LRRC4C: variants seen among roughly 807,000 people sequenced by gnomAD.
LRRC4C encodes leucine-rich repeat-containing protein 4C.
A neutral mutation model predicts 33.6 loss-of-function variants in LRRC4C; 5 were observed. That is an observed-to-expected ratio of 0.15 (90% CI 0.08 to 0.31). The LOEUF is 0.31. Among genes scored for constraint, LRRC4C ranks in the 10% least tolerant of loss-of-function variants. The pLI is 1.00. For synonymous variants in LRRC4C, 329 were observed against 302.0 expected (o/e 1.09, Z -0.93); for missense variants, 560 against 796.7 (o/e 0.70, Z 3.58).
At chr11:41,164,436 A>T (rs1944628582) in intron 1 of LRRC4C, among the ~76,000 whole-genome samples, 2 of 151,994 alleles carry the variant, frequency 1.3e-5, no homozygotes, top group South Asian at 4.1e-4. Context: ...TTTTTTTTAC[A>T]TAAGTAAAAG....
chr11:41,299,328 A>G (rs541030223), intron 1 of LRRC4C, among the ~76,000 whole-genome samples: 2 of 152,268 alleles, frequency 1.3e-5, no homozygotes, highest in African/African-American at 4.8e-5. Context: ...TATAATTGTA[A>G]ACAACTTTAG....
At chr11:40,178,755 T>G (rs1208117186) in intron 5 of LRRC4C, among the ~76,000 whole-genome samples, 1 of 152,114 alleles carries the variant, frequency 6.6e-6, no homozygotes. Context: ...ATTCCTCTGG[T>G]TTCCTCGCTG....
intron 3 of LRRC4C, among the ~76,000 whole-genome samples, chr11:40,631,478 G>A (rs1963473297): frequency 6.6e-6 from 1 of 152,126 alleles, no homozygotes; most frequent in South Asian, 2.1e-4. Flanking sequence ...ACAGACATAT[G>A]GCTGCAAAAT....
chr11:41,331,823 A>C lies in LRRC4C; in HGVS notation c.-496+127608T>G, dbSNP rs561522664. Reference sequence around the variant, plus strand: ...AGATCTACAACACAAAAAAGAAGGGACATCTTTGCTAACACACTTAAATGT... The same window carrying C: ...AGATCTACAACACAAAAAAGAAGGGCCATCTTTGCTAACACACTTAAATGT... On this transcript the variant is annotated intron_variant, in intron 1 of 6. Coordinates refer to ENST00000528697, the MANE Select transcript of LRRC4C (RefSeq NM_001258419.2). Among the ~76,000 whole-genome samples, 77 of 152,242 alleles carry C rather than the reference A, an allele frequency of 5.1e-4. 1 individual carries two copies. Among genetic ancestry groups the C allele is most frequent in the South Asian group, 1.0e-3 (5 of 4,826 alleles).
chr11:40,346,133 C>T (rs1285765095), intron 3 of LRRC4C, among the ~76,000 whole-genome samples: 5 of 152,128 alleles, frequency 3.3e-5, no homozygotes, highest in African/African-American at 7.2e-5. Flanking sequence ...TTGCAGAAGA[C>T]GGTGTGGTGA....
intron 1 of LRRC4C, among the ~76,000 whole-genome samples, chr11:41,446,180 A>G (rs12796746): frequency 0.11 from 16,001 of 152,244 alleles, 1,145 homozygotes; most frequent in Non-Finnish European, 0.15. Flanking sequence ...CTTTTTCAAG[A>G]AAACACAGTA....
intron 2 of LRRC4C, among the ~76,000 whole-genome samples, chr11:40,692,392 C>A (rs1423239169): frequency 6.6e-6 from 1 of 152,040 alleles, no homozygotes; most frequent in African/African-American, 2.4e-5. Context: ...CATAGAGAGG[C>A]ATTTTCTAGA....
intron 5 of LRRC4C, among the ~76,000 whole-genome samples, chr11:40,177,233 A>G (rs922473436): frequency 2.6e-5 from 4 of 151,932 alleles, no homozygotes; most frequent in South Asian, 2.1e-4. Context: ...GATTACAGGC[A>G]TGAGCCACCG....
chr11:40,526,995 T>G (rs2135276327), intron 3 of LRRC4C, among the ~76,000 whole-genome samples: 1 of 152,286 alleles, frequency 6.6e-6, no homozygotes, highest in African/African-American at 2.4e-5. Context: ...AATAGAATTT[T>G]TAACAAAAGA....
At chr11:40,458,843 G>T (rs1440026443) in intron 3 of LRRC4C, among the ~76,000 whole-genome samples, 1 of 152,120 alleles carries the variant, frequency 6.6e-6, no homozygotes, top group Non-Finnish European at 1.5e-5. Flanking sequence ...TAAACTCAGA[G>T]AGAATGTTTT....
At chr11:41,433,379 G>T (rs1367445873) in intron 1 of LRRC4C, among the ~76,000 whole-genome samples, 2 of 152,082 alleles carry the variant, frequency 1.3e-5, no homozygotes, top group African/African-American at 4.8e-5. Context: ...CCTGAAAGAA[G>T]AAATCTAACA....
chr11:40,869,840 C>T (rs910809479), intron 2 of LRRC4C, among the ~76,000 whole-genome samples: 9 of 152,124 alleles, frequency 5.9e-5, no homozygotes, highest in Non-Finnish European at 1.0e-4. Context: ...GTATACTTTC[C>T]TTTGTGTTAT....
chr11:41,129,954 G>T (rs1942934644), intron 1 of LRRC4C, among the ~76,000 whole-genome samples: 1 of 151,744 alleles, frequency 6.6e-6, no homozygotes, highest in African/African-American at 2.4e-5. Flanking sequence ...GCTTCATGTA[G>T]CACCTCTCTG....
At chr11:40,351,357 A>G (rs1304952722) in intron 3 of LRRC4C, among the ~76,000 whole-genome samples, 1 of 151,802 alleles carries the variant, frequency 6.6e-6, no homozygotes, top group African/African-American at 2.4e-5. Context: ...TGTGCTGAGG[A>G]GAAGAATGTG....
At chr11:40,987,663 TGAGATATAAATG>T (rs776255574) in intron 1 of LRRC4C, among the ~76,000 whole-genome samples, 12,685 of 77,744 alleles carry the variant, frequency 0.16, 1,601 homozygotes, top group East Asian at 0.27. Context: ...CTCATATATA[TGAGATATAAATG>T]ATATATATAT....
At chr11:40,762,348 G>T (rs889301127) in intron 2 of LRRC4C, among the ~76,000 whole-genome samples, 1 of 152,088 alleles carries the variant, frequency 6.6e-6, no homozygotes, top group African/African-American at 2.4e-5. Context: ...TTCCATTAAG[G>T]TTTCAGATAG....
intron 5 of LRRC4C, among the ~76,000 whole-genome samples, chr11:40,210,859 G>A (rs1392442725): frequency 5.9e-5 from 9 of 152,118 alleles, no homozygotes; most frequent in Admixed American, 2.6e-4. Context: ...TGCAAGCTCC[G>A]CCTCCCGGGT....
chr11:41,303,811 C>T (rs1320392687), intron 1 of LRRC4C, among the ~76,000 whole-genome samples: 1 of 6,762 alleles, frequency 1.5e-4, no homozygotes, highest in Non-Finnish European at 7.8e-4. Flanking sequence ...CGTCTCTGCC[C>T]GGCCGCCCTG....
chr11:40,409,329 T>A (rs370437596), intron 3 of LRRC4C, among the ~76,000 whole-genome samples: 120 of 151,858 alleles, frequency 7.9e-4, no homozygotes, highest in African/African-American at 2.8e-3. Flanking sequence ...TTCCATGAAA[T>A]TTTTCTGGGC....
Sources: gnomAD v4.1 joint callset for allele counts (sites outside exome capture counted in the v4.1 genomes callset) on GRCh38, gnomAD v4.1.1 for gene constraint, MANE v1.5 for transcripts, NCBI Gene and HGNC (gene_info 2026-07-23, HGNC 2026-07-21) for gene names.